SENP2: variants seen among roughly 807,000 people sequenced by gnomAD.
The protein encoded by SENP2 is SUMO specific peptidase 2, also known as sentrin-specific protease 2.
SENP2 carries 16 observed loss-of-function variants against 86.3 expected under a neutral mutation model. The observed-to-expected ratio is 0.19, with a 90% confidence interval of 0.13 to 0.28. The LOEUF is 0.28. SENP2 is among the 10% of genes least tolerant of loss of function. The pLI is 1.00. For missense variants in SENP2, 552 were observed against 703.0 expected, an observed-to-expected ratio of 0.79 and a Z score of 2.43; for synonymous variants, 222 against 238.7, an observed-to-expected ratio of 0.93 and a Z score of 0.64.
intron 7 of SENP2, among the ~76,000 whole-genome samples, chr3:185,610,162 T>C (rs1231673625): frequency 6.8e-6 from 1 of 146,840 alleles, no homozygotes; most frequent in East Asian, 2.0e-4. Flanking sequence ...AGCTTTTTTT[T>C]TTTTTTTTTT....
chr3:185,602,357 A>G (rs967710945), intron 5 of SENP2, among the ~76,000 whole-genome samples: 1 of 152,166 alleles, frequency 6.6e-6, no homozygotes, highest in African/African-American at 2.4e-5. Context: ...GGAGTGTTCA[A>G]AAACTGGGCA....
At chr3:185,610,239 C>T (rs1722643726) in intron 7 of SENP2, among the ~76,000 whole-genome samples, 1 of 148,072 alleles carries the variant, frequency 6.8e-6, no homozygotes, top group South Asian at 2.2e-4. Context: ...CAGCTCACTG[C>T]AATCTCCGCT....
At position 185,630,812 on chromosome 3, in the gene SENP2, T is replaced by C. The variant is rs2148998444; in HGVS notation, c.*968T>C. Reference sequence around the variant, plus strand: ...TTTTCCTCAGAGTTTTTGTTTTCTATATATTAAGTCTAAATTAAGTTTTCT... The same window carrying C: ...TTTTCCTCAGAGTTTTTGTTTTCTACATATTAAGTCTAAATTAAGTTTTCT... On this transcript the variant is annotated 3_prime_UTR_variant, in exon 17 of 17. Transcript: ENST00000296257. 6.6e-6 allele frequency: 1 copy of C among 152,610 alleles called. No homozygotes were observed. The highest frequency in any genetic ancestry group is 1.9e-4 in the East Asian group (1 of 5,190). The allele number at this position is 152,610 out of a possible 1,614,324, so 9.5% of individuals were successfully genotyped here. A position where few individuals can be genotyped will look rare whatever the true frequency, so the allele number is the denominator to read the frequency against.
In SENP2 at chr3:185,631,810, G is replaced by C; in HGVS notation, c.*1966G>C. ...TTAAGATCGAGTCCATGCTAGGTAA[G>C]TCCTGTTAGGAATGTCAGTTTGTAT... On this transcript the variant is annotated 3_prime_UTR_variant, in exon 17 of 17. Coordinates refer to ENST00000296257, the MANE Select transcript of SENP2 (RefSeq NM_021627.3). 1 of 150,014 alleles carries C rather than the reference G, an allele frequency of 6.7e-6. No homozygotes were observed. 9.3% of individuals were successfully genotyped at this position (150,014 alleles called of 1,614,324 possible).
intron 13 of SENP2, among the ~76,000 whole-genome samples, chr3:185,621,156 C>CAAAAAAAAAAAA (rs1206042436): frequency 1.0e-4 from 4 of 39,050 alleles, no homozygotes; most frequent in South Asian, 1.7e-3. Flanking sequence ...GATCTTGTCT[C>CAAAAAAAAAAAA]AAAAAAAAAA....
Position 185,619,483 on chromosome 3 carries a change from A to G in SENP2, c.1427A>G (p.Lys476Arg). The change falls in exon 13 of 17, where the codon AAG (lysine) becomes AGG (arginine). Residue 476 changes from lysine to arginine, a missense_variant. Physicochemically the swap from Lys to Arg is conservative, Grantham distance 26. Coordinates refer to ENST00000296257, the MANE Select transcript of SENP2 (RefSeq NM_021627.3). ...ATTATTCTGGTGCCTATTCATCGGA[A>G]GGTACATTGGAGCCTGGTGGTGAGT... ...QEIILVPIHRKVHWSLVVIDL... is the reference protein window; with the variant it reads ...QEIILVPIHRRVHWSLVVIDL... The G allele has an allele frequency of 6.2e-7, 1 of 1,614,114 alleles. No individual in the cohort carries two copies.
intron 2 of SENP2, among the ~76,000 whole-genome samples, chr3:185,594,187 A>G (rs1382150407): frequency 1.3e-5 from 2 of 151,924 alleles, no homozygotes; most frequent in Non-Finnish European, 2.9e-5. Context: ...ACACACACAA[A>G]CGTTGGTATT....
At chr3:185,588,739 GATGCTTA>G (rs1265035839) in intron 1 of SENP2, among the ~76,000 whole-genome samples, 1 of 152,170 alleles carries the variant, frequency 6.6e-6, no homozygotes, top group Non-Finnish European at 1.5e-5. Flanking sequence ...TGCCTAAACT[GATGCTTA>G]ATGTATATAA....
At chr3:185,611,911 C>CT (rs1457408444) in intron 8 of SENP2, among the ~76,000 whole-genome samples, 166 bp downstream of exon 8, 1 of 152,152 alleles carries the variant, frequency 6.6e-6, no homozygotes, top group Non-Finnish European at 1.5e-5. Context: ...AATCCCAGCA[C>CT]TTTGGGAGGC....
intron 7 of SENP2, among the ~76,000 whole-genome samples, chr3:185,610,134 A>C (rs1722635759): frequency 6.6e-6 from 1 of 151,124 alleles, no homozygotes; most frequent in African/African-American, 2.4e-5. Context: ...AAGATTAAAA[A>C]GTCACAGAAT....
chr3:185,609,261 G>A lies in SENP2; in HGVS notation c.633G>A (p.Glu211=), dbSNP rs1480602077. 2.3e-5 allele frequency: 37 copies of A among 1,612,748 alleles called. No individual in the cohort carries two copies. Among genetic ancestry groups the A allele is most frequent in the Non-Finnish European group, 2.9e-5 (34 of 1,179,092 alleles). ...CTTTTATTTAGGGTGTTCAAAAAGA[G>A]GAAAGAGAGAAGTACCGAAAGTTAT... ...HCTVEEGVQK[E]EREKYRKLLE... The change falls in exon 7 of 17, where the codon GAG becomes GAA. Residue 211 remains glutamate, a synonymous_variant. Coordinates refer to ENST00000296257, the MANE Select transcript of SENP2 (RefSeq NM_021627.3).
chr3:185,609,081 A>G (rs1194645594), intron 6 of SENP2, 166 bp from the exon 7 acceptor site: 1 of 540,636 alleles, frequency 1.8e-6, no homozygotes, highest in Admixed American at 3.3e-5. Context: ...TCAGTTGATC[A>G]AAGGAGGCTA....
At chr3:185,600,881 T>A in intron 5 of SENP2, 26 bp downstream of exon 5, 1 of 1,507,998 alleles carries the variant, frequency 6.6e-7, no homozygotes, top group Non-Finnish European at 9.2e-7. Context: ...TTTCTGTAAA[T>A]GGAAACTTAG....
rs1491210718 is a variant in SENP2 at position 185,592,005 on chromosome 3, A to ATTTTTTTT, written c.157+1837_157+1838insTTTTTTTT. Among the ~76,000 whole-genome samples the ATTTTTTTT allele has an allele frequency of 4.3e-4, 12 of 28,040 alleles. No individual in the cohort carries two copies. In the East Asian group the frequency reaches 0.032, roughly 75 times the overall value. 18.4% of individuals were successfully genotyped at this position (28,040 alleles called of 152,430 possible). Reference sequence around the variant, plus strand: ...ATACTCCTGTCTTTAAGAACCGGTAATATTTCTTTTTTTTTTTTTTTTTTT... The same window carrying ATTTTTTTT: ...ATACTCCTGTCTTTAAGAACCGGTAATTTTTTTTTATTTCTTTTTTTTTTTTTTTTTTT... On this transcript the variant is annotated intron_variant, in intron 2 of 16. Transcript: ENST00000296257.
At chr3:185,590,901 CTTTTTTTTTTT>C (rs1158491597) in intron 2 of SENP2, among the ~76,000 whole-genome samples, 1 of 94,178 alleles carries the variant, frequency 1.1e-5, no homozygotes, top group Non-Finnish European at 2.0e-5. Context: ...AGAAAGTCTC[CTTTTTTTTTTT>C]TTTTTTTTTT....
chr3:185,633,031 G>T lies in SENP2; in HGVS notation c.*3187G>T, dbSNP rs980759855. On this transcript the variant is annotated 3_prime_UTR_variant, in exon 17 of 17. Transcript: ENST00000296257. ...TGGGGCATATGGAAGATATTCTTGGGAGCCCCATATTCTACCTCAGTTACC... is the reference window on the plus strand; with the variant it reads ...TGGGGCATATGGAAGATATTCTTGGTAGCCCCATATTCTACCTCAGTTACC... 2 of 152,156 alleles carry T rather than the reference G, an allele frequency of 1.3e-5. No individual in the cohort carries two copies. Among genetic ancestry groups the T allele is most frequent in the African/African-American group, 4.8e-5 (2 of 41,432 alleles). 9.4% of individuals were successfully genotyped at this position (152,156 alleles called of 1,614,324 possible).
intron 3 of SENP2, 56 bp from the exon 4 acceptor site, chr3:185,598,902 A>G: frequency 2.2e-6 from 3 of 1,351,128 alleles, no homozygotes; most frequent in South Asian, 1.2e-5. Context: ...CATAATAGAA[A>G]GTTATTTAGG....
chr3:185,617,518 C>T lies in SENP2; in HGVS notation c.1149C>T (p.Gly383=). 1 of 1,613,474 alleles carries T rather than the reference C, an allele frequency of 6.2e-7. No homozygotes were observed. The highest frequency in any genetic ancestry group is 1.1e-5 in the South Asian group (1 of 91,022). Reference sequence around the variant, plus strand: ...AAATCAGTAATGCCCTAGGCCATGGCCCACAGGATGAAATCCTAAGTAGTG... The same window carrying T: ...AAATCAGTAATGCCCTAGGCCATGGTCCACAGGATGAAATCCTAAGTAGTG... ...EKEISNALGH[G]PQDEILSSAF... Residue 383 remains glycine (G), a synonymous_variant, in exon 12 of 17, where the codon GGC becomes GGT. Transcript: ENST00000296257.
chr3:185,609,082 A>G (rs1722604253), intron 6 of SENP2, 165 bp from the exon 7 acceptor site: 1 of 544,732 alleles, frequency 1.8e-6, no homozygotes, highest in African/African-American at 1.9e-5. Context: ...CAGTTGATCA[A>G]AGGAGGCTAG....
Sources: gnomAD v4.1 joint callset for allele counts (sites outside exome capture counted in the v4.1 genomes callset) on GRCh38, gnomAD v4.1.1 for gene constraint, MANE v1.5 for transcripts, NCBI Gene and HGNC (gene_info 2026-07-23, HGNC 2026-07-21) for gene names.